ENOPH1: variants seen among roughly 807,000 people sequenced by gnomAD.
The protein encoded by ENOPH1 is enolase-phosphatase 1.
Under a neutral mutation model 31.1 loss-of-function variants are expected in ENOPH1, and 14 were observed. That is an observed-to-expected ratio of 0.45 (90% CI 0.30 to 0.70). The LOEUF is 0.70. ENOPH1 is among the 30% of genes least tolerant of loss of function. ENOPH1 has a pLI of 0.09. For missense variants in ENOPH1, 243 were observed against 321.5 expected, an observed-to-expected ratio of 0.76 and a Z score of 1.87; for synonymous variants, 127 against 123.2, an observed-to-expected ratio of 1.03 and a Z score of -0.21.
chr4:82,455,103 C>T (rs1300044414), intron 4 of ENOPH1, among the ~76,000 whole-genome samples: 1 of 151,924 alleles, frequency 6.6e-6, no homozygotes, highest in Non-Finnish European at 1.5e-5. Context: ...TTGTGCAGTC[C>T]TGAGAAATAT....
chr4:82,456,084 T>C (rs1722485063), intron 4 of ENOPH1, among the ~76,000 whole-genome samples: 1 of 151,752 alleles, frequency 6.6e-6, no homozygotes, highest in Admixed American at 6.6e-5. Context: ...CTGACAATCA[T>C]GACAGGACAA....
rs1401809381 is a variant in ENOPH1, at chr4:82,456,912, C to T, written c.523-3C>T. 1 of 1,613,358 alleles carries T rather than the reference C, an allele frequency of 6.2e-7. No homozygotes were observed. Among genetic ancestry groups the T allele is most frequent in the South Asian group, 1.1e-5 (1 of 90,878 alleles). ...GCCAGTCTTTCCCCTTCTCTTTGTTCAGCTTGTTGATGGTCACTTTGATAC... is the reference window on the plus strand; with the variant it reads ...GCCAGTCTTTCCCCTTCTCTTTGTTTAGCTTGTTGATGGTCACTTTGATAC... On this transcript the variant is annotated splice_region_variant and splice_polypyrimidine_tract_variant and intron_variant, in intron 4 of 5. Transcript: ENST00000273920.
In ENOPH1 at chr4:82,454,759, A is replaced by G; in HGVS notation, c.427A>G (p.Arg143Gly). Residue 143 changes from arginine (R) to glycine (G), a missense_variant, in exon 4 of 6, where the codon AGA becomes GGA. Physicochemically the swap from Arg to Gly is moderately radical, Grantham distance 125. Transcript: ENST00000273920. ...ADVVPAVRKW[R>G]EAGMKVYIYS... ...TGTAGTTCCAGCAGTCAGGAAGTGG[A>G]GAGAGGCCGGAATGAAGGTGTACAT... 1 of 1,613,802 alleles carries G rather than the reference A, an allele frequency of 6.2e-7. No individual in the cohort carries two copies.
intron 5 of ENOPH1, 26 bp downstream of exon 5, chr4:82,457,064 A>G (rs1454844516): frequency 2.5e-6 from 4 of 1,607,292 alleles, no homozygotes; most frequent in African/African-American, 1.3e-5. Context: ...CTTATATTAT[A>G]TACTCCAGGA....
intron 5 of ENOPH1, among the ~76,000 whole-genome samples, chr4:82,459,344 G>A (rs2110049149): frequency 6.6e-6 from 1 of 152,260 alleles, no homozygotes; most frequent in East Asian, 1.9e-4. Context: ...AGGCTGGAGT[G>A]CAGTAGTGCG....
chr4:82,450,579 G>T (rs929441503), intron 2 of ENOPH1, among the ~76,000 whole-genome samples: 6 of 152,204 alleles, frequency 3.9e-5, no homozygotes, highest in African/African-American at 1.4e-4. Context: ...CAAGATGTGG[G>T]AGATTATAGG....
Position 82,455,528 on chromosome 4 carries a change from T to C in ENOPH1, c.522+674T>C, listed in dbSNP as rs527830349. Among the ~76,000 whole-genome samples the C allele has an allele frequency of 1.2e-3, 183 of 152,162 alleles. 1 individual carries two copies. Among genetic ancestry groups the C allele is most frequent in the South Asian group, 4.6e-3 (22 of 4,822 alleles). On this transcript the variant is annotated intron_variant, in intron 4 of 5. Coordinates refer to ENST00000273920, the MANE Select transcript of ENOPH1 (RefSeq NM_021204.5). ...GGGCGCAGTGGCTCACGCCTGTAATTCCAGCACTTTTGGAGGCCAAGGTGG... is the reference window on the plus strand; with the variant it reads ...GGGCGCAGTGGCTCACGCCTGTAATCCCAGCACTTTTGGAGGCCAAGGTGG...
intron 1 of ENOPH1, among the ~76,000 whole-genome samples, chr4:82,444,813 T>G (rs540245592): frequency 2.0e-5 from 3 of 152,374 alleles, no homozygotes; most frequent in East Asian, 3.8e-4. Context: ...AAGTGCCTGG[T>G]GGACTGAAAA....
At chr4:82,459,723 T>G (rs1722595564) in intron 5 of ENOPH1, among the ~76,000 whole-genome samples, 2 of 152,160 alleles carry the variant, frequency 1.3e-5, no homozygotes, top group South Asian at 4.1e-4. Context: ...AGCTCAGAAG[T>G]GTAGGATACA....
intron 1 of ENOPH1, among the ~76,000 whole-genome samples, chr4:82,445,763 A>G (rs1722159276): frequency 6.6e-6 from 1 of 152,226 alleles, no homozygotes; most frequent in Admixed American, 6.5e-5. Context: ...TTTATAGTCC[A>G]GATGTTATAC....
intron 1 of ENOPH1, among the ~76,000 whole-genome samples, chr4:82,443,650 C>T (rs1354122170): frequency 6.8e-6 from 1 of 147,636 alleles, no homozygotes; most frequent in Non-Finnish European, 1.5e-5. Flanking sequence ...ATGGCATGAA[C>T]CCAGCAGGTG....
intron 1 of ENOPH1, 46 bp from the exon 2 acceptor site, chr4:82,447,874 A>G (rs1463608561): frequency 8.2e-7 from 1 of 1,213,180 alleles, no homozygotes; most frequent in Non-Finnish European, 1.2e-6. Flanking sequence ...ATCTTTTACA[A>G]CTGATAAAAG....
chr4:82,431,711 T>G (rs372207286), intron 1 of ENOPH1, among the ~76,000 whole-genome samples: 34 of 152,304 alleles, frequency 2.2e-4, no homozygotes, highest in South Asian at 1.2e-3. Flanking sequence ...TCCTCGGGCC[T>G]TGTCTTTTTA....
At chr4:82,436,145 A>T (rs914858174) in intron 1 of ENOPH1, among the ~76,000 whole-genome samples, 6 of 152,304 alleles carry the variant, frequency 3.9e-5, no homozygotes, top group Non-Finnish European at 8.8e-5. Context: ...CCTACCCAGA[A>T]ATATGTTAAA....
At position 82,435,967 on chromosome 4, in the gene ENOPH1, C is replaced by T. The variant is rs148429375; in HGVS notation, c.84+5054C>T. 2.7e-4 allele frequency among the ~76,000 whole-genome samples: 41 copies of T among 152,192 alleles called. No homozygotes were observed. The East Asian group carries it at 6.4e-3, about 24-fold the overall frequency. On this transcript the variant is annotated intron_variant, in intron 1 of 5. Coordinates refer to ENST00000273920, the MANE Select transcript of ENOPH1 (RefSeq NM_021204.5). Reference sequence around the variant, plus strand: ...AAAAGCCTTTGAAAATTACGAAGTCCTATAGAAACACTGATTATAATGCAG... The same window carrying T: ...AAAAGCCTTTGAAAATTACGAAGTCTTATAGAAACACTGATTATAATGCAG...
At chr4:82,444,510 C>G (rs1340075842) in intron 1 of ENOPH1, among the ~76,000 whole-genome samples, 1 of 152,146 alleles carries the variant, frequency 6.6e-6, no homozygotes, top group East Asian at 1.9e-4. Flanking sequence ...ACGGTAACAA[C>G]AGTTTGATTT....
rs1045984312 is a variant in ENOPH1 at position 82,434,542 on chromosome 4, C to T, written c.84+3629C>T. Among the ~76,000 whole-genome samples the T allele has an allele frequency of 4.6e-5, 7 of 151,954 alleles. 1 individual carries two copies. The South Asian group carries it at 1.0e-3, about 23-fold the overall frequency. The stretch of plus-strand genomic sequence containing the variant: ...CAGCCTGGTCAACATGGTGAAACCC[C>T]GTCTCTACTAAAAATACAAAAATTA... On this transcript the variant is annotated intron_variant, in intron 1 of 5. Coordinates refer to ENST00000273920, the MANE Select transcript of ENOPH1 (RefSeq NM_021204.5).
intron 2 of ENOPH1, among the ~76,000 whole-genome samples, chr4:82,448,316 T>C (rs533564778): frequency 1.5e-4 from 23 of 151,546 alleles, no homozygotes; most frequent in Non-Finnish European, 1.8e-4. Flanking sequence ...GGCTGGAGTG[T>C]GGTGGTGTGA....
intron 1 of ENOPH1, among the ~76,000 whole-genome samples, chr4:82,445,626 T>C (rs1482202696): frequency 6.6e-6 from 1 of 152,084 alleles, no homozygotes; most frequent in Non-Finnish European, 1.5e-5. Flanking sequence ...CCAGCTAGCT[T>C]TTTAATTTTT....
Sources: allele counts gnomAD v4.1 joint callset (sites outside exome capture counted in the v4.1 genomes callset), GRCh38; gene constraint gnomAD v4.1.1; transcripts MANE v1.5; gene names NCBI Gene and HGNC (gene_info 2026-07-23, HGNC 2026-07-21).